The following ANKRD40CL variants were observed in gnomAD, a reference collection of about 807,000 sequenced individuals.
ANKRD40CL encodes putative ANKRD40 C-terminal-like protein.
For missense variants in ANKRD40CL, 11 were observed against 6.4 expected, an observed-to-expected ratio of 1.71 and a Z score of -0.77; for synonymous variants, 5 against 2.3, an observed-to-expected ratio of 2.14 and a Z score of -1.04.
chr17:50,766,299 A>G (rs1259765878), intron 2 of ANKRD40CL, among the ~76,000 whole-genome samples: 2 of 152,094 alleles, frequency 1.3e-5, no homozygotes, highest in African/African-American at 2.4e-5. Context: ...GATACCTGAT[A>G]GAGATACCAG....
At position 50,766,982 on chromosome 17, in the gene ANKRD40CL, A is replaced by C; in HGVS notation, c.-69T>G. 1 of 702,376 alleles carries C rather than the reference A, an allele frequency of 1.4e-6. No individual in the cohort carries two copies. The highest frequency in any genetic ancestry group is 2.6e-6 in the Non-Finnish European group (1 of 384,970). 43.5% of individuals were successfully genotyped at this position (702,376 alleles called of 1,614,324 possible). ...ATGCACAAGCTCCCAACCAAATAAAAAGCACTTTCTACAGCCTCAGCACAT... is the reference window on the plus strand; with the variant it reads ...ATGCACAAGCTCCCAACCAAATAAACAGCACTTTCTACAGCCTCAGCACAT... On this transcript the variant is annotated 5_prime_UTR_variant, in exon 2 of 4. Transcript: ENST00000450727.
chr17:50,764,049 G>T, intron 2 of ANKRD40CL: 1 of 397,468 alleles, frequency 2.5e-6, no homozygotes, highest in East Asian at 3.6e-5. Context: ...CAGGACAGTG[G>T]CATTGTATTC....
chr17:50,767,481 T>C lies in ANKRD40CL; in HGVS notation c.-117A>G, dbSNP rs1208187698. On this transcript the variant is annotated 5_prime_UTR_variant, in exon 1 of 4. Transcript: ENST00000450727. Reference sequence around the variant, plus strand: ...TCCATACCTGGGAAAATGACCTTGGTGATGATCCTGGATCCCCTGATTCTA... The same window carrying C: ...TCCATACCTGGGAAAATGACCTTGGCGATGATCCTGGATCCCCTGATTCTA... The C allele has an allele frequency of 3.9e-6, 1 of 253,324 alleles. No individual in the cohort carries two copies. The highest frequency in any genetic ancestry group is 7.9e-6 in the Non-Finnish European group (1 of 126,426). The allele number at this position is 253,324 out of a possible 1,614,324, so 15.7% of individuals were successfully genotyped here. A position where few individuals can be genotyped will look rare whatever the true frequency, so the allele number is the denominator to read the frequency against.
At chr17:50,765,590 C>T (rs923168843) in intron 2 of ANKRD40CL, among the ~76,000 whole-genome samples, 3 of 152,170 alleles carry the variant, frequency 2.0e-5, no homozygotes, top group African/African-American at 4.8e-5. Flanking sequence ...TTTGCAAAGC[C>T]GAGTGCAAAA....
rs1971349289 is a variant in ANKRD40CL at position 50,767,480 on chromosome 17, G to A, written c.-116C>T. On this transcript the variant is annotated 5_prime_UTR_variant, in exon 1 of 4. Coordinates refer to ENST00000450727, the MANE Select transcript of ANKRD40CL (RefSeq NM_001358683.3). ...CTCCATACCTGGGAAAATGACCTTG[G>A]TGATGATCCTGGATCCCCTGATTCT... 1 of 254,114 alleles carries A rather than the reference G, an allele frequency of 3.9e-6. No individual in the cohort carries two copies. The highest frequency in any genetic ancestry group is 7.9e-6 in the Non-Finnish European group (1 of 126,674). 15.7% of individuals were successfully genotyped at this position (254,114 alleles called of 1,614,324 possible).
chr17:50,765,546 C>T (rs767467164), intron 2 of ANKRD40CL, among the ~76,000 whole-genome samples: 2 of 152,166 alleles, frequency 1.3e-5, no homozygotes, highest in Non-Finnish European at 2.9e-5. Context: ...TGGTAAATGG[C>T]CAGATATGGA....
At chr17:50,765,261 T>C (rs1021445393) in intron 2 of ANKRD40CL, among the ~76,000 whole-genome samples, 6 of 152,274 alleles carry the variant, frequency 3.9e-5, no homozygotes, top group African/African-American at 1.4e-4. Flanking sequence ...GTTTTTACTT[T>C]TTAAAACATG....
At chr17:50,766,804 C>A in intron 2 of ANKRD40CL, 70 bp downstream of exon 2, 1 of 603,306 alleles carries the variant, frequency 1.7e-6, no homozygotes, top group Non-Finnish European at 2.9e-6. Flanking sequence ...TCACCTGTGT[C>A]CCAGCCTTCC....
chr17:50,763,102 G>T (rs1012618949), intron 3 of ANKRD40CL: 11 of 246,984 alleles, frequency 4.5e-5, no homozygotes, highest in Admixed American at 1.7e-4. Flanking sequence ...TCACCGTGTT[G>T]GCCAGGATAG....
chr17:50,765,170 A>G (rs1372501381), intron 2 of ANKRD40CL: 1 of 152,238 alleles, frequency 6.6e-6, no homozygotes, highest in Non-Finnish European at 1.5e-5. Context: ...TTTGGAGGCA[A>G]TAAAAAATTT....
chr17:50,765,269 A>G (rs979695318), intron 2 of ANKRD40CL, among the ~76,000 whole-genome samples: 2 of 152,252 alleles, frequency 1.3e-5, no homozygotes, highest in Admixed American at 1.3e-4. Flanking sequence ...TTTTTAAAAC[A>G]TGGCTACTAG....
Position 50,763,447 on chromosome 17 carries a change from G to C in ANKRD40CL, c.151C>G (p.Pro51Ala), listed in dbSNP as rs2143145640. ...NVSCCELGIK[P>A]ERVEKIRKLP... ...TTTCTGATCTTCTCCACTCGTTCTG[G>C]TTTAATCCCCAGTTCACAGCAACTC... The change falls in exon 3 of 4, where the codon CCA becomes GCA. Residue 51 changes from proline to alanine, a missense_variant. Transcript: ENST00000450727. 3 of 399,024 alleles carry C rather than the reference G, an allele frequency of 7.5e-6. No homozygotes were observed. In the East Asian group the frequency reaches 1.1e-4, roughly 14 times the overall value. The allele number at this position is 399,024 out of a possible 1,614,324, so 24.7% of individuals were successfully genotyped here. A position where few individuals can be genotyped will look rare whatever the true frequency, so the allele number is the denominator to read the frequency against.
intron 2 of ANKRD40CL, chr17:50,763,998 C>T (rs1597956804): frequency 2.5e-6 from 1 of 395,290 alleles, no homozygotes; most frequent in East Asian, 3.6e-5. Context: ...TCCTACCCAC[C>T]ACCCCCACTC....
chr17:50,766,974 C>T lies in ANKRD40CL; in HGVS notation c.-61G>A, dbSNP rs1352929158. 1 of 702,374 alleles carries T rather than the reference C, an allele frequency of 1.4e-6. No homozygotes were observed. The highest frequency in any genetic ancestry group is 2.7e-5 in the East Asian group (1 of 37,300). The allele number at this position is 702,374 out of a possible 1,614,324, so 43.5% of individuals were successfully genotyped here. A position where few individuals can be genotyped will look rare whatever the true frequency, so the allele number is the denominator to read the frequency against. ...TCGCATTTATGCACAAGCTCCCAAC[C>T]AAATAAAAAGCACTTTCTACAGCCT... On this transcript the variant is annotated 5_prime_UTR_variant, in exon 2 of 4. Transcript: ENST00000450727.
chr17:50,761,473 C>G lies in ANKRD40CL; in HGVS notation c.235G>C (p.Glu79Gln), dbSNP rs558801481. 9.0e-5 allele frequency: 36 copies of G among 399,014 alleles called. 1 individual carries two copies. Among genetic ancestry groups the G allele is most frequent in the African/African-American group, 7.0e-4 (34 of 48,748 alleles). 24.7% of individuals were successfully genotyped at this position (399,014 alleles called of 1,614,324 possible). A position where few individuals can be genotyped will look rare whatever the true frequency, so the allele number is the denominator to read the frequency against. ...TTTTTCATTAAAATGAGTTCCACTT[C>G]CTGAAAGTCCCGCAGTCTTCGAATG... is the stretch of plus-strand genomic sequence containing the variant. ...KDIRRLRDFQ[E>Q]VELILMKNGS... The change falls in exon 4 of 4, where the codon GAA (glutamate) becomes CAA (glutamine). Residue 79 changes from glutamate (E) to glutamine (Q), a missense_variant. Transcript: ENST00000450727.
At chr17:50,761,939 G>A (rs1971208183) in intron 3 of ANKRD40CL, among the ~76,000 whole-genome samples, 1 of 151,566 alleles carries the variant, frequency 6.6e-6, no homozygotes, top group African/African-American at 2.4e-5. Flanking sequence ...AGATAGTTCT[G>A]TATTTTTTTT....
At chr17:50,764,165 C>G (rs1191390893) in intron 2 of ANKRD40CL, 1 of 398,556 alleles carries the variant, frequency 2.5e-6, no homozygotes. Context: ...GAGTCTTCAC[C>G]TAGACAGGTG....
At position 50,767,026 on chromosome 17, in the gene ANKRD40CL, C is replaced by T. The variant is rs1567890408; in HGVS notation, c.-98-15G>A. The T allele has an allele frequency of 2.8e-6, 2 of 702,030 alleles. No homozygotes were observed. The highest frequency in any genetic ancestry group is 3.0e-5 in the South Asian group (2 of 67,398). 43.5% of individuals were successfully genotyped at this position (702,030 alleles called of 1,614,324 possible). A position where few individuals can be genotyped will look rare whatever the true frequency, so the allele number is the denominator to read the frequency against. ...AGCACATCTGTCTGCAAGGTAACAA[C>T]AGTGTGTTCTTGCCAGCCCAGTGAG... On this transcript the variant is annotated splice_polypyrimidine_tract_variant and intron_variant, in intron 1 of 3. Coordinates refer to ENST00000450727, the MANE Select transcript of ANKRD40CL (RefSeq NM_001358683.3).
In ANKRD40CL at chr17:50,761,092, T is replaced by C. The variant is rs1971192555; in HGVS notation, c.*271A>G. 1 of 179,358 alleles carries C rather than the reference T, an allele frequency of 5.6e-6. No homozygotes were observed. Among genetic ancestry groups the C allele is most frequent in the African/African-American group, 2.5e-5 (1 of 39,968 alleles). The allele number at this position is 179,358 out of a possible 1,614,324, so 11.1% of individuals were successfully genotyped here. A position where few individuals can be genotyped will look rare whatever the true frequency, so the allele number is the denominator to read the frequency against. On this transcript the variant is annotated 3_prime_UTR_variant, in exon 4 of 4. Transcript: ENST00000450727. ...GTCTTGCTCTGTCGCCAGGCTGGAG[T>C]GCAGTGGCGCAATCTCAGCTCACTG...
Sources: gnomAD v4.1 joint callset for allele counts (sites outside exome capture counted in the v4.1 genomes callset) on GRCh38, gnomAD v4.1.1 for gene constraint, MANE v1.5 for transcripts, NCBI Gene and HGNC (gene_info 2026-07-23, HGNC 2026-07-21) for gene names.